The following COL5A2 variants were observed in gnomAD, a reference collection of about 807,000 sequenced individuals.
COL5A2 encodes collagen alpha-2(V) chain.
COL5A2 carries 23 observed loss-of-function variants against 208.2 expected under a neutral mutation model. The ratio of observed to expected loss-of-function variants is 0.11; its 90% CI spans 0.08 to 0.16. COL5A2 has a LOEUF of 0.16. Ranked by LOEUF, COL5A2 falls within the 10% of genes least tolerant of loss-of-function variation. The probability of loss-of-function intolerance (pLI) is 1.00; values close to 1 mark genes in which losing one functional copy is unlikely to be tolerated. For synonymous variants in COL5A2, 625 were observed against 628.5 expected (o/e 0.99, Z 0.08); for missense variants, 1,590 against 1,956.4 (o/e 0.81, Z 3.53).
At chr2:189,065,713 T>C (rs1245443120) in intron 23 of COL5A2, among the ~76,000 whole-genome samples, 3 of 152,220 alleles carry the variant, frequency 2.0e-5, no homozygotes, top group Non-Finnish European at 4.4e-5. Context: ...TCCAAAGCTC[T>C]AGATAAATGT....
At chr2:189,102,376 C>G (rs953484286) in intron 3 of COL5A2, among the ~76,000 whole-genome samples, 1 of 151,916 alleles carries the variant, frequency 6.6e-6, no homozygotes, top group African/African-American at 2.4e-5. Flanking sequence ...GTTAAGTGTT[C>G]AATTATAAGT....
chr2:189,424,808 A>G, the COL5A2 span, among the ~76,000 whole-genome samples: 11 of 152,228 alleles, frequency 7.2e-5, no homozygotes, highest in African/African-American at 2.7e-4. Flanking sequence ...GAGAAAAAAC[A>G]TTCTAAAATT....
At chr2:189,269,446 A>G in the COL5A2 span, among the ~76,000 whole-genome samples, 2 of 152,138 alleles carry the variant, frequency 1.3e-5, no homozygotes. Context: ...TTTTAGGATG[A>G]AAGCGCGTTG....
chr2:189,409,271 G>A, the COL5A2 span, among the ~76,000 whole-genome samples: 11 of 129,234 alleles, frequency 8.5e-5, no homozygotes, highest in African/African-American at 2.3e-4. Context: ...AAATACAGTC[G>A]CATGATCATA....
chr2:189,282,738 G>A, the COL5A2 span, among the ~76,000 whole-genome samples: 1 of 151,964 alleles, frequency 6.6e-6, no homozygotes, highest in Non-Finnish European at 1.5e-5. Flanking sequence ...TTGATGCCTG[G>A]GTTCATCTTT....
intron 1 of COL5A2, among the ~76,000 whole-genome samples, chr2:189,164,922 A>AG (rs1443838640): frequency 6.6e-6 from 1 of 152,230 alleles, no homozygotes; most frequent in Non-Finnish European, 1.5e-5. Context: ...AAGTTGAGCA[A>AG]GCTCAAACAG....
chr2:189,173,053 C>T (rs1688604474), intron 1 of COL5A2, among the ~76,000 whole-genome samples: 1 of 147,832 alleles, frequency 6.8e-6, no homozygotes, highest in African/African-American at 2.5e-5. Flanking sequence ...TCACTGCAGC[C>T]TCCCCCTCCC....
At chr2:189,064,834 C>G (rs1053521395) in intron 24 of COL5A2, among the ~76,000 whole-genome samples, 170 bp downstream of exon 24, 1 of 152,118 alleles carries the variant, frequency 6.6e-6, no homozygotes, top group Non-Finnish European at 1.5e-5. Context: ...CCCCCTATGC[C>G]TCTTAATACA....
At chr2:189,361,275 A>G in the COL5A2 span, among the ~76,000 whole-genome samples, 1 of 151,906 alleles carries the variant, frequency 6.6e-6, no homozygotes, top group Non-Finnish European at 1.5e-5. Context: ...TTTGTTTTAT[A>G]TATTTGTGTG....
chr2:189,377,845 ATTAT>A, the COL5A2 span, among the ~76,000 whole-genome samples: 3 of 152,154 alleles, frequency 2.0e-5, no homozygotes, highest in Non-Finnish European at 2.9e-5. Flanking sequence ...TTGCGAACCA[ATTAT>A]TTGTTTCTTC....
intron 1 of COL5A2, among the ~76,000 whole-genome samples, chr2:189,124,891 G>T (rs1687578601): frequency 6.6e-6 from 1 of 151,844 alleles, no homozygotes; most frequent in Non-Finnish European, 1.5e-5. Context: ...AGCAAATAAT[G>T]AAATAAATGT....
intron 16 of COL5A2, among the ~76,000 whole-genome samples, 175 bp from the exon 17 acceptor site, chr2:189,075,612 T>A (rs1686387437): frequency 6.6e-6 from 1 of 152,156 alleles, no homozygotes; most frequent in South Asian, 2.1e-4. Context: ...CAAGCTGATA[T>A]GGTAGTCATA....
the COL5A2 span, among the ~76,000 whole-genome samples, chr2:189,372,128 G>A: frequency 6.6e-6 from 1 of 152,082 alleles, no homozygotes; most frequent in Non-Finnish European, 1.5e-5. Flanking sequence ...CCCACATACA[G>A]CTCAAGCCAC....
chr2:189,262,593 A>AT, the COL5A2 span, among the ~76,000 whole-genome samples: 636 of 152,138 alleles, frequency 4.2e-3, 20 homozygotes, highest in East Asian at 0.088. Context: ...TATAAAAAAT[A>AT]TTTTTTTAAC....
the COL5A2 span, among the ~76,000 whole-genome samples, chr2:189,235,983 A>C: frequency 6.6e-6 from 1 of 151,032 alleles, no homozygotes; most frequent in African/African-American, 2.4e-5. Context: ...CAGAGGCTGC[A>C]TATTTGTCCA....
rs1442326533 is a variant in COL5A2 at position 189,041,553 on chromosome 2, G to A, written c.3633+33C>T. The A allele has an allele frequency of 3.4e-6, 5 of 1,470,176 alleles. No homozygotes were observed. The South Asian group carries it at 5.7e-5, about 17-fold the overall frequency. 91.1% of individuals were successfully genotyped at this position (1,470,176 alleles called of 1,614,324 possible). On this transcript the variant is annotated intron_variant, in intron 50 of 53. Transcript: ENST00000374866. Reference sequence around the variant, plus strand: ...CGGAATCTGAGCTATTGAATAAATAGCATTTCTTGCATGTAAACCTTTGTG... The same window carrying A: ...CGGAATCTGAGCTATTGAATAAATAACATTTCTTGCATGTAAACCTTTGTG...
At chr2:189,318,189 C>T in the COL5A2 span, among the ~76,000 whole-genome samples, 40 of 152,292 alleles carry the variant, frequency 2.6e-4, 1 homozygote, top group African/African-American at 7.5e-4. Context: ...TGACTTCAAA[C>T]TGCATTGATC....
At chr2:189,133,004 T>C (rs1687747876) in intron 1 of COL5A2, 3 of 153,564 alleles carry the variant, frequency 2.0e-5, no homozygotes. Flanking sequence ...ATATAAGCAA[T>C]TTCTCAGAGA....
intron 1 of COL5A2, among the ~76,000 whole-genome samples, chr2:189,127,192 G>A (rs1406718200): frequency 6.6e-6 from 1 of 151,830 alleles, no homozygotes; most frequent in Non-Finnish European, 1.5e-5. Context: ...GGAAAGAGAA[G>A]AGACAAAAAA....
Sources: allele counts gnomAD v4.1 joint callset (sites outside exome capture counted in the v4.1 genomes callset), GRCh38; gene constraint gnomAD v4.1.1; transcripts MANE v1.5; gene names NCBI Gene and HGNC (gene_info 2026-07-23, HGNC 2026-07-21).